Variants in PLPP4 observed in about 807,000 individuals in gnomAD.
PLPP4 encodes the protein phospholipid phosphatase 4.
PLPP4 carries 20 observed loss-of-function variants against 32.2 expected under a neutral mutation model. The observed-to-expected ratio is 0.62, with a 90% CI of 0.44 to 0.90. The LOEUF (loss-of-function observed/expected upper bound fraction) is 0.90, where lower values mean the gene tolerates loss of function less well. Among genes scored for constraint, PLPP4 ranks in the 40% least tolerant of loss-of-function variants. PLPP4 has a pLI of 0.00. For synonymous variants in PLPP4, 127 were observed against 133.0 expected, an observed-to-expected ratio of 0.95 and a Z score of 0.31; for missense variants, 257 against 353.1, an observed-to-expected ratio of 0.73 and a Z score of 2.18.
At chr10:120,539,154 G>C (rs1847217465) in intron 5 of PLPP4, among the ~76,000 whole-genome samples, 1 of 152,130 alleles carries the variant, frequency 6.6e-6, no homozygotes, top group Admixed American at 6.5e-5. Context: ...CTTCCTCTCT[G>C]AGGGCTTCTG....
At chr10:120,525,192 A>G (rs750258991) in intron 5 of PLPP4, among the ~76,000 whole-genome samples, 1 of 152,206 alleles carries the variant, frequency 6.6e-6, no homozygotes, top group Non-Finnish European at 1.5e-5. Flanking sequence ...GAAGAGAAAC[A>G]TGGCCCACAA....
At chr10:120,520,643 C>G (rs1460679180) in intron 4 of PLPP4, among the ~76,000 whole-genome samples, 2 of 152,184 alleles carry the variant, frequency 1.3e-5, no homozygotes, top group East Asian at 3.9e-4. Flanking sequence ...AGTCATGTCA[C>G]TCTATCCACA....
intron 5 of PLPP4, among the ~76,000 whole-genome samples, chr10:120,563,450 T>C (rs1326227353): frequency 6.6e-6 from 1 of 152,168 alleles, no homozygotes; most frequent in Non-Finnish European, 1.5e-5. Flanking sequence ...AATATGTCCA[T>C]GAAAATGTGG....
rs1329115629 is a variant in PLPP4, at chr10:120,488,493, A to T, written c.57-15325A>T. ...TTTCAGAATTCGTGCTTTTCATTTA[A>T]CTATCTTGCCATACTGCAAGTGCAT... On this transcript the variant is annotated intron_variant, in intron 1 of 6. Coordinates refer to ENST00000398250, the MANE Select transcript of PLPP4 (RefSeq NM_001030059.3). 2.6e-5 allele frequency among the ~76,000 whole-genome samples: 4 copies of T among 152,242 alleles called. No homozygotes were observed. The South Asian group carries it at 6.2e-4, about 24-fold the overall frequency.
intron 5 of PLPP4, among the ~76,000 whole-genome samples, chr10:120,538,259 A>G (rs1827130878): frequency 1.3e-5 from 2 of 150,504 alleles, no homozygotes; most frequent in Admixed American, 1.3e-4. Flanking sequence ...CTCTCTTGGC[A>G]TCTCCTTGGA....
intron 5 of PLPP4, among the ~76,000 whole-genome samples, chr10:120,574,184 T>A (rs1421972160): frequency 0.037 from 4,084 of 109,588 alleles, 59 homozygotes; most frequent in South Asian, 0.13. Context: ...TCTCTCTCTC[T>A]CTCTCTCTCT....
intron 4 of PLPP4, among the ~76,000 whole-genome samples, chr10:120,519,518 G>A (rs754295211): frequency 1.1e-4 from 17 of 151,652 alleles, no homozygotes; most frequent in Non-Finnish European, 2.1e-4. Context: ...AGGGACTGAG[G>A]GGGCAGGAGA....
At chr10:120,510,073 T>C (rs1339401524) in intron 2 of PLPP4, among the ~76,000 whole-genome samples, 1 of 152,166 alleles carries the variant, frequency 6.6e-6, no homozygotes, top group Non-Finnish European at 1.5e-5. Context: ...AGAAGCCTTT[T>C]CCATGTAGGA....
At chr10:120,502,306 T>C (rs1283026414) in intron 1 of PLPP4, among the ~76,000 whole-genome samples, 1 of 152,022 alleles carries the variant, frequency 6.6e-6, no homozygotes, top group Non-Finnish European at 1.5e-5. Flanking sequence ...CACAGACTTT[T>C]AGGACTTAAA....
At chr10:120,521,393 C>T (rs1250928806) in intron 5 of PLPP4, among the ~76,000 whole-genome samples, 1 of 152,168 alleles carries the variant, frequency 6.6e-6, no homozygotes, top group Non-Finnish European at 1.5e-5. Context: ...TCTCTACGCT[C>T]CCTGGGAGCC....
intron 1 of PLPP4, 23 bp downstream of exon 1, chr10:120,457,384 C>A: frequency 6.5e-7 from 1 of 1,527,096 alleles, no homozygotes; most frequent in Non-Finnish European, 8.8e-7. Flanking sequence ...GCACCGCGGG[C>A]AGGGCGCACT....
chr10:120,542,981 T>A (rs748708487), intron 5 of PLPP4, among the ~76,000 whole-genome samples: 1 of 152,192 alleles, frequency 6.6e-6, no homozygotes, highest in Admixed American at 6.5e-5. Context: ...ATAGGGACCA[T>A]GTGCATGTAG....
intron 5 of PLPP4, among the ~76,000 whole-genome samples, chr10:120,531,834 C>T (rs1846740162): frequency 6.6e-6 from 1 of 151,588 alleles, no homozygotes; most frequent in Non-Finnish European, 1.5e-5. Context: ...TATGTACACA[C>T]ACTACACATA....
At chr10:120,572,201 C>T (rs757208636) in intron 5 of PLPP4, among the ~76,000 whole-genome samples, 7 of 152,316 alleles carry the variant, frequency 4.6e-5, no homozygotes, top group African/African-American at 1.7e-4. Context: ...TTTACCTACC[C>T]TTCAAAGAAT....
intron 2 of PLPP4, among the ~76,000 whole-genome samples, chr10:120,508,849 A>G (rs1013260557): frequency 1.6e-4 from 25 of 152,286 alleles, no homozygotes; most frequent in Middle Eastern, 3.4e-3. Flanking sequence ...CATCAATCCT[A>G]TGTGTCTGGT....
intron 1 of PLPP4, among the ~76,000 whole-genome samples, chr10:120,481,345 A>G (rs1050302376): frequency 1.3e-5 from 2 of 152,194 alleles, no homozygotes; most frequent in Admixed American, 6.5e-5. Context: ...GAGGGGCTTC[A>G]GGGCAGCCCA....
At chr10:120,549,789 T>C (rs183933950) in intron 5 of PLPP4, among the ~76,000 whole-genome samples, 46 of 152,048 alleles carry the variant, frequency 3.0e-4, no homozygotes, top group African/African-American at 9.6e-4. Context: ...GCAACACTTA[T>C]GCATGACAAA....
intron 3 of PLPP4, among the ~76,000 whole-genome samples, chr10:120,516,728 G>T (rs1247445983): frequency 1.3e-5 from 2 of 152,162 alleles, no homozygotes; most frequent in African/African-American, 2.4e-5. Flanking sequence ...AGACCCACTG[G>T]GTTATTGCTA....
chr10:120,556,725 C>T (rs956554912), intron 5 of PLPP4, among the ~76,000 whole-genome samples: 1 of 152,122 alleles, frequency 6.6e-6, no homozygotes, highest in Non-Finnish European at 1.5e-5. Context: ...GTATTGATCC[C>T]ATTTGCAGGT....
Sources: allele counts gnomAD v4.1 joint callset (sites outside exome capture counted in the v4.1 genomes callset), GRCh38; gene constraint gnomAD v4.1.1; transcripts MANE v1.5; gene names NCBI Gene and HGNC (gene_info 2026-07-23, HGNC 2026-07-21).